Variants in NTAN1 observed in about 807,000 individuals in gnomAD.
The protein encoded by NTAN1 is protein N-terminal asparagine amidohydrolase.
Under a neutral mutation model 41.9 loss-of-function variants are expected in NTAN1, and 32 were observed. That is an observed-to-expected ratio of 0.76 (90% confidence interval 0.58 to 1.03). The LOEUF is 1.03. NTAN1 is among the 50% of genes least tolerant of loss of function. NTAN1 has a pLI of 0.00. For synonymous variants in NTAN1, 140 were observed against 139.5 expected (o/e 1.00, Z -0.03); for missense variants, 377 against 377.5 (o/e 1.00, Z 0.01).
At chr16:15,043,955 G>T (rs868681954) in intron 5 of NTAN1, among the ~76,000 whole-genome samples, 1 of 149,428 alleles carries the variant, frequency 6.7e-6, no homozygotes, top group African/African-American at 2.5e-5. Context: ...CTCAAAAAAA[G>T]AAAAAAAAAG....
intron 9 of NTAN1, 173 bp downstream of exon 9, chr16:15,038,401 C>A (rs1485354710): frequency 3.2e-6 from 2 of 623,460 alleles, no homozygotes; most frequent in Non-Finnish European, 5.6e-6. Context: ...CCATCTAGGA[C>A]TTGACATATC....
intron 5 of NTAN1, among the ~76,000 whole-genome samples, chr16:15,043,256 G>A (rs1282885989): frequency 2.0e-5 from 3 of 151,994 alleles, no homozygotes; most frequent in Non-Finnish European, 2.9e-5. Flanking sequence ...GGCTGGTGTC[G>A]AACTCCTGAC....
At chr16:15,051,698 ATTTT>A (rs61437077) in intron 1 of NTAN1, among the ~76,000 whole-genome samples, 1 of 122,396 alleles carries the variant, frequency 8.2e-6, no homozygotes, top group Non-Finnish European at 1.7e-5. Context: ...TTTATTTTTA[ATTTT>A]TTTTTTTTTT....
At chr16:15,040,220 A>G (rs1371148335) in intron 7 of NTAN1, 154 bp from the exon 8 acceptor site, 1 of 447,990 alleles carries the variant, frequency 2.2e-6, no homozygotes, top group Non-Finnish European at 4.0e-6. Flanking sequence ...TGGAGGGGGA[A>G]AATGCAACCT....
Position 15,038,697 on chromosome 16 carries a change from A to G in NTAN1, c.640-10T>C. 1 of 1,452,814 alleles carries G rather than the reference A, an allele frequency of 6.9e-7. No homozygotes were observed. Among genetic ancestry groups the G allele is most frequent in the Non-Finnish European group, 9.6e-7 (1 of 1,038,356 alleles). 90.0% of individuals were successfully genotyped at this position (1,452,814 alleles called of 1,614,324 possible). On this transcript the variant is annotated splice_polypyrimidine_tract_variant and intron_variant, in intron 8 of 9. Transcript: ENST00000287706. ...CATAAATGCTAATCATCTAAAAAAGAACGTGTCAAGGATAGAATTTCAGGA... is the reference window on the plus strand; with the variant it reads ...CATAAATGCTAATCATCTAAAAAAGGACGTGTCAAGGATAGAATTTCAGGA...
Position 15,037,936 on chromosome 16 carries a change from G to A in NTAN1, c.*95C>T. The A allele has an allele frequency of 1.2e-6, 1 of 828,894 alleles. No individual in the cohort carries two copies. Among genetic ancestry groups the A allele is most frequent in the South Asian group, 1.7e-5 (1 of 57,472 alleles). 51.3% of individuals were successfully genotyped at this position (828,894 alleles called of 1,614,324 possible). The stretch of plus-strand genomic sequence containing the variant: ...ACACTGAGGAGGGAAGGAGGCCTAA[G>A]ACCCAACAGATGTAGGATCCAGATC... On this transcript the variant is annotated 3_prime_UTR_variant, in exon 10 of 10. Coordinates refer to ENST00000287706, the MANE Select transcript of NTAN1 (RefSeq NM_173474.4).
intron 1 of NTAN1, among the ~76,000 whole-genome samples, chr16:15,050,495 G>A (rs2044251588): frequency 6.6e-6 from 1 of 152,190 alleles, no homozygotes; most frequent in Admixed American, 6.5e-5. Flanking sequence ...CACTTTGGGA[G>A]GCTGAGGAGG....
chr16:15,041,570 CA>C, intron 6 of NTAN1, 52 bp downstream of exon 6: 1 of 1,301,670 alleles, frequency 7.7e-7, no homozygotes, highest in Non-Finnish European at 1.1e-6. Context: ...AGACTGGGGA[CA>C]AAACGGTCCT....
At chr16:15,048,588 A>C (rs1323402757) in intron 1 of NTAN1, among the ~76,000 whole-genome samples, 1 of 152,072 alleles carries the variant, frequency 6.6e-6, no homozygotes, top group African/African-American at 2.4e-5. Context: ...ATCAGATTAC[A>C]CAGGAATAGT....
chr16:15,043,402 G>C (rs756648220), intron 5 of NTAN1, among the ~76,000 whole-genome samples: 2 of 152,198 alleles, frequency 1.3e-5, no homozygotes, highest in Non-Finnish European at 2.9e-5. Context: ...AAATCAGCTG[G>C]GCATGGTGGC....
intron 5 of NTAN1, among the ~76,000 whole-genome samples, 188 bp downstream of exon 5, chr16:15,044,146 C>A (rs1015410104): frequency 6.6e-6 from 1 of 152,108 alleles, no homozygotes; most frequent in African/African-American, 2.4e-5. Context: ...CCTGCTACCC[C>A]TCCCTACACA....
intron 2 of NTAN1, 24 bp from the exon 3 acceptor site, chr16:15,047,944 A>C: frequency 6.2e-7 from 1 of 1,609,596 alleles, no homozygotes; most frequent in Non-Finnish European, 8.5e-7. Context: ...AAATAAAATA[A>C]AATATCCAAT....
rs563608593 is a variant in NTAN1 at position 15,043,911 on chromosome 16, G to A, written c.433+423C>T. Among the ~76,000 whole-genome samples the A allele has an allele frequency of 1.4e-4, 22 of 151,924 alleles. No homozygotes were observed. The East Asian group carries it at 3.9e-3, about 27-fold the overall frequency. On this transcript the variant is annotated intron_variant, in intron 5 of 9. Coordinates refer to ENST00000287706, the MANE Select transcript of NTAN1 (RefSeq NM_173474.4). ...TGCAGTGAGCCGAGATCATGCTACTGCACTCCAACTTGGGCAACAGAGCAA... is the reference window on the plus strand; with the variant it reads ...TGCAGTGAGCCGAGATCATGCTACTACACTCCAACTTGGGCAACAGAGCAA...
chr16:15,047,622 T>C, intron 3 of NTAN1, 72 bp from the exon 4 acceptor site: 1 of 1,149,782 alleles, frequency 8.7e-7, no homozygotes, highest in Non-Finnish European at 1.3e-6. Flanking sequence ...AGACTCCGCC[T>C]GTCCCTCCGG....
chr16:15,044,733 T>G, intron 4 of NTAN1: 1 of 314,594 alleles, frequency 3.2e-6, no homozygotes, highest in African/African-American at 2.1e-5. Context: ...TCTGTAATCC[T>G]AGCACTTTGG....
chr16:15,048,218 T>C (rs959915539), intron 1 of NTAN1, 119 bp from the exon 2 acceptor site: 20 of 663,250 alleles, frequency 3.0e-5, no homozygotes, highest in Non-Finnish European at 5.0e-5. Flanking sequence ...GTGGGGAGTG[T>C]GTTAGTGGAC....
chr16:15,038,791 C>G, intron 8 of NTAN1, 104 bp from the exon 9 acceptor site: 2 of 640,346 alleles, frequency 3.1e-6, no homozygotes, highest in Admixed American at 2.9e-5. Flanking sequence ...CATTTATCTG[C>G]CTAAGCTTCT....
At chr16:15,055,762 C>T (rs1202803611) in intron 1 of NTAN1, 129 bp downstream of exon 1, 17 of 459,538 alleles carry the variant, frequency 3.7e-5, no homozygotes, top group Non-Finnish European at 5.9e-5. Context: ...AAGACGCGAG[C>T]CGACGGCCGG....
intron 1 of NTAN1, among the ~76,000 whole-genome samples, chr16:15,051,675 G>T (rs1597813429): frequency 6.9e-6 from 1 of 145,062 alleles, no homozygotes; most frequent in African/African-American, 2.6e-5. Context: ...GAGCCACTGT[G>T]CCCAGCCTCT....
Sources: gnomAD v4.1 joint callset for allele counts (sites outside exome capture counted in the v4.1 genomes callset) on GRCh38, gnomAD v4.1.1 for gene constraint, MANE v1.5 for transcripts, NCBI Gene and HGNC (gene_info 2026-07-23, HGNC 2026-07-21) for gene names.